Variants in PPIL4 observed in about 807,000 individuals in gnomAD.
PPIL4 encodes peptidylprolyl isomerase like 4, also known as peptidyl-prolyl cis-trans isomerase-like 4.
In PPIL4, 50 loss-of-function variants were observed where a neutral mutation model predicts 69.1. The observed-to-expected ratio is 0.72, with a 90% confidence interval of 0.58 to 0.92. The LOEUF is 0.92. PPIL4 is among the 40% of genes least tolerant of loss of function. PPIL4 has a pLI of 0.00. For missense variants in PPIL4, 480 were observed against 587.9 expected, an observed-to-expected ratio of 0.82 and a Z score of 1.90; for synonymous variants, 193 against 191.6, an observed-to-expected ratio of 1.01 and a Z score of -0.06.
Position 149,534,794 on chromosome 6 carries a change from T to C in PPIL4, c.465-20A>G, listed in dbSNP as rs760622375. ...TTTATCCTTACAAAATAAATCCAAA[T>C]CAAATGTTATACATTGAAGTTATTT... On this transcript the variant is annotated intron_variant, in intron 5 of 12. Coordinates refer to ENST00000253329, the MANE Select transcript of PPIL4 (RefSeq NM_139126.4). The C allele has an allele frequency of 1.5e-6, 2 of 1,300,320 alleles. No homozygotes were observed. The highest frequency in any genetic ancestry group is 4.7e-5 in the East Asian group (2 of 42,766). 80.5% of individuals were successfully genotyped at this position (1,300,320 alleles called of 1,614,324 possible).
chr6:149,513,393 AAAAAAAAAAAAAAAAAAAAATAT>A (rs1330963346), intron 11 of PPIL4, among the ~76,000 whole-genome samples: 5 of 83,672 alleles, frequency 6.0e-5, no homozygotes, highest in African/African-American at 2.2e-4. Flanking sequence ...CTCAAAAAAA[AAAAAAAAAAAAAAAAAAAAATAT>A]ATATATATAT....
intron 9 of PPIL4, among the ~76,000 whole-genome samples, chr6:149,523,949 T>C (rs748857626): frequency 6.0e-4 from 91 of 152,332 alleles, no homozygotes; most frequent in Admixed American, 1.5e-3. Context: ...TGCCTACATA[T>C]AACTTTATGG....
Position 149,541,390 on chromosome 6 carries a change from G to A in PPIL4, c.180C>T (p.Gly60=). 1 of 1,483,520 alleles carries A rather than the reference G, an allele frequency of 6.7e-7. No homozygotes were observed. Among genetic ancestry groups the A allele is most frequent in the Non-Finnish European group, 9.1e-7 (1 of 1,101,270 alleles). The allele number at this position is 1,483,520 out of a possible 1,614,324, so 91.9% of individuals were successfully genotyped here. ...IIQTGDPTGT[G]RGGESIFGQL... Reference sequence around the variant, plus strand: ...ACCCAAAGATAGACTCTCCTCCACGGCCAGTCCCTGTAGGATCGCCAGTTT... The same window carrying A: ...ACCCAAAGATAGACTCTCCTCCACGACCAGTCCCTGTAGGATCGCCAGTTT... Residue 60 remains glycine, a synonymous_variant, in exon 3 of 13, where the codon GGC becomes GGT. Coordinates refer to ENST00000253329, the MANE Select transcript of PPIL4 (RefSeq NM_139126.4).
chr6:149,536,825 C>T (rs1777283920), intron 4 of PPIL4, among the ~76,000 whole-genome samples: 1 of 151,706 alleles, frequency 6.6e-6, no homozygotes, highest in South Asian at 2.1e-4. Flanking sequence ...CAAGTGCTGA[C>T]ACAGAAGCTA....
intron 9 of PPIL4, among the ~76,000 whole-genome samples, chr6:149,522,518 A>G (rs1777043874): frequency 6.6e-6 from 1 of 152,262 alleles, no homozygotes; most frequent in African/African-American, 2.4e-5. Flanking sequence ...ATACCGATTT[A>G]TAACAAAAGT....
At position 149,505,353 on chromosome 6, in the gene PPIL4, A is replaced by T; in HGVS notation, c.*100T>A. 1.8e-6 allele frequency: 2 copies of T among 1,141,400 alleles called. No individual in the cohort carries two copies. Among genetic ancestry groups the T allele is most frequent in the Non-Finnish European group, 2.5e-6 (2 of 798,874 alleles). 70.7% of individuals were successfully genotyped at this position (1,141,400 alleles called of 1,614,324 possible). A position where few individuals can be genotyped will look rare whatever the true frequency, so the allele number is the denominator to read the frequency against. On this transcript the variant is annotated 3_prime_UTR_variant, in exon 13 of 13. Coordinates refer to ENST00000253329, the MANE Select transcript of PPIL4 (RefSeq NM_139126.4). The stretch of plus-strand genomic sequence containing the variant: ...AGACCATAATCCTAGTATGAAAAAA[A>T]TAACAAGCTTTGACACAAAATCTAA...
intron 12 of PPIL4, among the ~76,000 whole-genome samples, chr6:149,506,427 G>T (rs1391195623): frequency 4.6e-5 from 7 of 152,236 alleles, no homozygotes; most frequent in Non-Finnish European, 1.0e-4. Context: ...AGCCAAGATT[G>T]CCCCACTGCA....
chr6:149,507,172 G>A (rs1298448123), intron 12 of PPIL4, among the ~76,000 whole-genome samples: 1 of 152,186 alleles, frequency 6.6e-6, no homozygotes, highest in Non-Finnish European at 1.5e-5. Flanking sequence ...TCAGAGTGAT[G>A]AATACCCATG....
At chr6:149,509,512 T>A (rs879889381) in intron 12 of PPIL4, among the ~76,000 whole-genome samples, 1 of 152,190 alleles carries the variant, frequency 6.6e-6, no homozygotes, top group Non-Finnish European at 1.5e-5. Flanking sequence ...GTGGAAAACA[T>A]GCTAAACATT....
In PPIL4 at chr6:149,534,781, A is replaced by G; in HGVS notation, c.465-7T>C. 1 of 1,396,786 alleles carries G rather than the reference A, an allele frequency of 7.2e-7. No homozygotes were observed. Among genetic ancestry groups the G allele is most frequent in the South Asian group, 1.2e-5 (1 of 80,234 alleles). The allele number at this position is 1,396,786 out of a possible 1,614,324, so 86.5% of individuals were successfully genotyped here. A position where few individuals can be genotyped will look rare whatever the true frequency, so the allele number is the denominator to read the frequency against. On this transcript the variant is annotated splice_region_variant and splice_polypyrimidine_tract_variant and intron_variant, in intron 5 of 12. Coordinates refer to ENST00000253329, the MANE Select transcript of PPIL4 (RefSeq NM_139126.4). ...AATCACCGTATGATTTATCCTTACA[A>G]AATAAATCCAAATCAAATGTTATAC...
intron 5 of PPIL4, 82 bp from the exon 6 acceptor site, chr6:149,534,856 T>C: frequency 1.2e-6 from 1 of 824,766 alleles, no homozygotes; most frequent in South Asian, 2.0e-5. Flanking sequence ...TACAAAAAAT[T>C]ACTTGATTAT....
chr6:149,512,398 T>C, intron 11 of PPIL4, 96 bp from the exon 12 acceptor site: 1 of 834,844 alleles, frequency 1.2e-6, no homozygotes, highest in Non-Finnish European at 1.9e-6. Context: ...AGGCTAAAAG[T>C]AACTAAAGCA....
At chr6:149,541,750 C>T (rs1311921165) in intron 1 of PPIL4, among the ~76,000 whole-genome samples, 164 bp from the exon 2 acceptor site, 2 of 152,132 alleles carry the variant, frequency 1.3e-5, no homozygotes, top group Admixed American at 1.3e-4. Flanking sequence ...TGGCTCACAC[C>T]TGTAATCGCA....
intron 1 of PPIL4, among the ~76,000 whole-genome samples, chr6:149,542,909 A>T (rs1427580322): frequency 2.0e-5 from 3 of 152,168 alleles, no homozygotes; most frequent in African/African-American, 7.2e-5. Flanking sequence ...GACTGGAGAG[A>T]TAAGATGGGG....
intron 1 of PPIL4, among the ~76,000 whole-genome samples, chr6:149,545,190 G>A (rs937369423): frequency 6.6e-6 from 1 of 152,106 alleles, no homozygotes; most frequent in Non-Finnish European, 1.5e-5. Flanking sequence ...AACAAAGAAA[G>A]TCCAAGCTAA....
At chr6:149,509,699 G>A (rs1776814742) in intron 12 of PPIL4, among the ~76,000 whole-genome samples, 1 of 152,130 alleles carries the variant, frequency 6.6e-6, no homozygotes, top group Non-Finnish European at 1.5e-5. Flanking sequence ...AAACTGATGA[G>A]AATATACCCC....
At chr6:149,526,856 A>T in intron 7 of PPIL4, 80 bp from the exon 8 acceptor site, 1 of 1,344,922 alleles carries the variant, frequency 7.4e-7, no homozygotes, top group South Asian at 1.3e-5. Context: ...CACAATGCTG[A>T]TTTCCTTAAA....
chr6:149,517,824 G>A (rs939573864), intron 10 of PPIL4: 3 of 167,790 alleles, frequency 1.8e-5, no homozygotes, highest in African/African-American at 4.8e-5. Context: ...AGAGAAGTGA[G>A]ACTTTAAGAG....
chr6:149,517,344 G>C lies in PPIL4; in HGVS notation c.1079+10C>G. 1 of 1,461,124 alleles carries C rather than the reference G, an allele frequency of 6.8e-7. No homozygotes were observed. Among genetic ancestry groups the C allele is most frequent in the Admixed American group, 1.7e-5 (1 of 58,884 alleles). The allele number at this position is 1,461,124 out of a possible 1,614,324, so 90.5% of individuals were successfully genotyped here. ...ATACATATTAACTAACTGATTCTTG[G>C]TAAGGATACTCCTGTTTGGGCTTTA... On this transcript the variant is annotated intron_variant, in intron 11 of 12. Coordinates refer to ENST00000253329, the MANE Select transcript of PPIL4 (RefSeq NM_139126.4).
Sources: allele counts gnomAD v4.1 joint callset (sites outside exome capture counted in the v4.1 genomes callset), GRCh38; gene constraint gnomAD v4.1.1; transcripts MANE v1.5; gene names NCBI Gene and HGNC (gene_info 2026-07-23, HGNC 2026-07-21).